PI4KA: variants seen among roughly 807,000 people sequenced by gnomAD.
PI4KA encodes the protein PI4-kinase alpha.
PI4KA carries 122 observed loss-of-function variants against 271.4 expected under a neutral mutation model. That is an observed-to-expected ratio of 0.45 (90% CI 0.39 to 0.52). The LOEUF (loss-of-function observed/expected upper bound fraction) is 0.52, where lower values mean the gene tolerates loss of function less well. Ranked by LOEUF, PI4KA falls within the 20% of genes least tolerant of loss-of-function variation. The pLI is 0.00. For synonymous variants in PI4KA, 1,041 were observed against 1,078.8 expected (o/e 0.96, Z 0.69); for missense variants, 1,969 against 2,769.1 (o/e 0.71, Z 6.48).
chr22:20,773,673 C>G (rs1933019263), intron 19 of PI4KA, among the ~76,000 whole-genome samples: 2 of 152,200 alleles, frequency 1.3e-5, no homozygotes, highest in African/African-American at 4.8e-5. Flanking sequence ...GACAGGGACA[C>G]CCGCCTAGTA....
At position 20,729,652 on chromosome 22, in the gene PI4KA, T is replaced by C; in HGVS notation, c.4468A>G (p.Thr1490Ala). 6.3e-7 allele frequency: 1 copy of C among 1,575,966 alleles called. No homozygotes were observed. Among genetic ancestry groups the C allele is most frequent in the Non-Finnish European group, 8.6e-7 (1 of 1,158,932 alleles). ...QLHKYYMKRR[T>A]LLLSLLATEI... ...CTTACCAGCAGGGACAGCAGCAGCG[T>C]CCTGCGCTTCATGTAGTATTTGTGC... The change falls in exon 38 of 55, where the codon ACG (threonine) becomes GCG (alanine). Residue 1490 changes from threonine to alanine, a missense_variant. By Grantham distance (58) the Thr-to-Ala change is moderately conservative (BLOSUM62 0). This residue lies in a region of PI4KA where 388 missense variants were observed against 521.5 expected (regional missense o/e 0.74). Transcript: ENST00000255882.
In PI4KA at chr22:20,858,666, G is replaced by T. The variant is rs903216268; in HGVS notation, c.60C>A (p.Ser20=). The part of the protein sequence containing the change: ...GGGGGGGGGC[S]GSGSSASRGF... ...CCCGCGAGGCGCTGGAGCCGGAGCC[G>T]GAGCAGCCGCCGCCGCCTCCGCCTC... Residue 20 remains serine (S), a synonymous_variant, in exon 1 of 55, where the codon TCC becomes TCA. Coordinates refer to ENST00000255882, the MANE Select transcript of PI4KA (RefSeq NM_058004.4). 8.8e-6 allele frequency: 13 copies of T among 1,478,156 alleles called. No individual in the cohort carries two copies. The highest frequency in any genetic ancestry group is 1.1e-5 in the Non-Finnish European group (12 of 1,120,658). 91.6% of individuals were successfully genotyped at this position (1,478,156 alleles called of 1,614,324 possible). A position where few individuals can be genotyped will look rare whatever the true frequency, so the allele number is the denominator to read the frequency against.
chr22:20,776,489 A>C (rs1933290205), intron 19 of PI4KA, among the ~76,000 whole-genome samples: 1 of 152,192 alleles, frequency 6.6e-6, no homozygotes, highest in Non-Finnish European at 1.5e-5. Context: ...TGCAATTCAA[A>C]AGTCTTTCTT....
At chr22:20,819,525 G>C in intron 6 of PI4KA, 116 bp downstream of exon 6, 1 of 962,534 alleles carries the variant, frequency 1.0e-6, no homozygotes, top group East Asian at 2.4e-5. Flanking sequence ...GAGAATTCTA[G>C]TGAAACATTT....
intron 25 of PI4KA, 138 bp downstream of exon 25, chr22:20,752,765 G>T: frequency 1.2e-6 from 1 of 834,754 alleles, no homozygotes; most frequent in Non-Finnish European, 1.9e-6. Context: ...TTGGAGGGAG[G>T]CTGCATCACC....
At chr22:20,858,522 C>T (rs893665337) in intron 1 of PI4KA, 48 bp downstream of exon 1, 2 of 1,291,532 alleles carry the variant, frequency 1.5e-6, no homozygotes, top group East Asian at 3.1e-5. Context: ...CGCTTCGTCA[C>T]CCCAGCCCCT....
Position 20,726,504 on chromosome 22 carries a change from G to A in PI4KA, c.4979C>T (p.Ala1660Val). 6.3e-7 allele frequency: 1 copy of A among 1,577,446 alleles called. No individual in the cohort carries two copies. Among genetic ancestry groups the A allele is most frequent in the Non-Finnish European group, 8.6e-7 (1 of 1,166,342 alleles). The change falls in exon 42 of 55, where the codon GCC becomes GTC. Residue 1660 changes from alanine to valine, a missense_variant. This residue lies in a region of PI4KA where 388 missense variants were observed against 521.5 expected (regional missense o/e 0.74). Transcript: ENST00000255882. ...ILFYIPQIVQ[A>V]LRYDKMGYVR... ...CAGGCTTACCTTGTCGTACCTGAGG[G>A]CCTGCACAATCTGGGGGATGTAGAA...
chr22:20,727,681 G>T, intron 40 of PI4KA, 93 bp downstream of exon 40: 1 of 1,003,504 alleles, frequency 1.0e-6, no homozygotes, highest in Non-Finnish European at 1.5e-6. Context: ...CCAAGCGGCT[G>T]TTTTTGTCTC....
intron 3 of PI4KA, 60 bp from the exon 4 acceptor site, chr22:20,824,474 G>A: frequency 8.3e-7 from 1 of 1,209,182 alleles, no homozygotes; most frequent in Non-Finnish European, 1.2e-6. Flanking sequence ...TCACACCTCT[G>A]GCCATCCAAT....
rs1431075211 is a variant in PI4KA, at chr22:20,718,940, G to C, written c.5117-118C>G. On this transcript the variant is annotated intron_variant, in intron 43 of 54. Coordinates refer to ENST00000255882, the MANE Select transcript of PI4KA (RefSeq NM_058004.4). The stretch of plus-strand genomic sequence containing the variant: ...TGCCCAGAGTATGCTCTGCAGGCTT[G>C]GTGAGACCATAACAGCTGCCGTGTG... The C allele has an allele frequency of 3.7e-6, 4 of 1,069,120 alleles. No homozygotes were observed. The East Asian group carries it at 1.0e-4, about 28-fold the overall frequency. The allele number at this position is 1,069,120 out of a possible 1,614,324, so 66.2% of individuals were successfully genotyped here. A position where few individuals can be genotyped will look rare whatever the true frequency, so the allele number is the denominator to read the frequency against.
chr22:20,793,976 C>T (rs925542536), intron 18 of PI4KA, among the ~76,000 whole-genome samples: 3 of 152,364 alleles, frequency 2.0e-5, no homozygotes, highest in South Asian at 2.1e-4. Context: ...CTCAGTGCTT[C>T]GCATGCACTA....
intron 19 of PI4KA, chr22:20,779,191 A>C (rs764044379): frequency 6.3e-7 from 1 of 1,588,188 alleles, no homozygotes; most frequent in South Asian, 1.1e-5. Context: ...TAATGCTGTG[A>C]GGGCCTCTTC....
intron 3 of PI4KA, among the ~76,000 whole-genome samples, chr22:20,826,155 C>T (rs1319330953): frequency 6.6e-6 from 1 of 152,106 alleles, no homozygotes; most frequent in Admixed American, 6.6e-5. Context: ...CCAGCCTAGC[C>T]AACACGGCAA....
intron 32 of PI4KA, 53 bp downstream of exon 32, chr22:20,742,175 C>T: frequency 3.2e-6 from 5 of 1,583,516 alleles, no homozygotes; most frequent in Non-Finnish European, 3.4e-6. Flanking sequence ...GAAGGCTCTT[C>T]CCGTCTGTTA....
At chr22:20,751,964 C>G (rs545241305) in intron 25 of PI4KA, among the ~76,000 whole-genome samples, 1 of 152,182 alleles carries the variant, frequency 6.6e-6, no homozygotes, top group Non-Finnish European at 1.5e-5. Context: ...TCCCCAGGCC[C>G]CTGCCAGCCC....
At chr22:20,763,597 A>T (rs1280296973) in intron 22 of PI4KA, among the ~76,000 whole-genome samples, 1 of 151,684 alleles carries the variant, frequency 6.6e-6, no homozygotes, top group East Asian at 1.9e-4. Context: ...CCGCCACCAC[A>T]TCTGGCTAAT....
At position 20,843,047 on chromosome 22, in the gene PI4KA, G is replaced by A. The variant is rs556061564; in HGVS notation, c.157-4316C>T. On this transcript the variant is annotated intron_variant, in intron 1 of 54. Transcript: ENST00000255882. ...CGGGAGGCAGAGCTTGTAGTGAGCC[G>A]AGACTGCGCCACTGCACTCCAGCCT... 2.3e-3 allele frequency among the ~76,000 whole-genome samples: 334 copies of A among 146,892 alleles called. 1 individual carries two copies. Among genetic ancestry groups the A allele is most frequent in the African/African-American group, 8.4e-3 (328 of 39,272 alleles).
chr22:20,814,937 G>A (rs977084006), intron 7 of PI4KA, among the ~76,000 whole-genome samples: 16 of 151,594 alleles, frequency 1.1e-4, no homozygotes, highest in African/African-American at 2.9e-4. Flanking sequence ...TGGGAAGATC[G>A]CCTCATCCCA....
chr22:20,805,288 G>T, intron 10 of PI4KA, 123 bp from the exon 11 acceptor site: 1 of 660,758 alleles, frequency 1.5e-6, no homozygotes, highest in Non-Finnish European at 2.6e-6. Context: ...TTTGCTACTG[G>T]CCACTGTGGG....
Sources: gnomAD v4.1 joint callset for allele counts (sites outside exome capture counted in the v4.1 genomes callset) on GRCh38, gnomAD v4.1.1 for gene constraint, gnomAD v4.1.1 regional missense constraint, MANE v1.5 for transcripts, NCBI Gene and HGNC (gene_info 2026-07-23, HGNC 2026-07-21) for gene names.